The following RP1 variants were observed in gnomAD, a reference collection of about 807,000 sequenced individuals.
The protein encoded by RP1 is oxygen-regulated protein 1.
A neutral mutation model predicts 14.8 loss-of-function variants in RP1; 16 were observed. The ratio of observed to expected loss-of-function variants is 1.08; its 90% CI spans 0.73 to 1.65. RP1 has a LOEUF of 1.65. Ranked by LOEUF, RP1 falls within the 40% of genes most tolerant of loss-of-function variation. RP1 has a pLI of 0.00. For missense variants in RP1, 2,631 were observed against 2,535.0 expected (o/e 1.04, Z -0.81); for synonymous variants, 876 against 883.6 (o/e 0.99, Z 0.15).
In RP1 at chr8:54,711,591, T is replaced by A. The variant is rs1563355033; in HGVS notation, c.2211+4936T>A. Among the ~76,000 whole-genome samples, 5 of 152,280 alleles carry A rather than the reference T, an allele frequency of 3.3e-5. No homozygotes were observed. In the South Asian group the frequency reaches 1.0e-3, roughly 32 times the overall value. ...TGAGCGAGCGCTCTTAGGTTTGTAG[T>A]AACGCCTCCTAACCCTAAGCTCACA... On this transcript the variant is annotated intron_variant, in intron 15 of 22. Coordinates refer to the RP1 transcript ENST00000636932.
chr8:54,583,686 T>A (rs1278873220), intron 1 of RP1, among the ~76,000 whole-genome samples: 3 of 152,232 alleles, frequency 2.0e-5, no homozygotes, highest in Non-Finnish European at 4.4e-5. Flanking sequence ...GAGCCTGTTA[T>A]TGGGCTATTC....
At chr8:54,783,548 T>C (rs926036891) in exon 24 of RP1, 1 of 1,230,100 alleles carries the variant, frequency 8.1e-7, no homozygotes, top group African/African-American at 1.6e-5. Context: ...CCTTTGCAGA[T>C]GGAGACTGGA....
Position 54,733,689 on chromosome 8 carries a change from T to C in RP1, c.2522-856T>C, listed in dbSNP as rs139011744. On this transcript the variant is annotated intron_variant, in intron 17 of 22. Coordinates refer to the RP1 transcript ENST00000636932. ...GACATGAAGAACTTTTGCCTCATCA[T>C]CTTGGGTATATAAGATTTCAAAGTG... Among the ~76,000 whole-genome samples the C allele has an allele frequency of 3.2e-3, 481 of 152,270 alleles. 4 individuals carry two copies. Among genetic ancestry groups the C allele is most frequent in the African/African-American group, 0.011 (471 of 41,570 alleles).
At chr8:54,851,696 A>G (rs540557839) in intron 25 of RP1, among the ~76,000 whole-genome samples, 20 of 152,326 alleles carry the variant, frequency 1.3e-4, no homozygotes, top group African/African-American at 4.8e-4. Flanking sequence ...AAAGAAACTG[A>G]TGTATCTTCT....
At chr8:54,801,693 C>A (rs990577484) in intron 24 of RP1, among the ~76,000 whole-genome samples, 2 of 152,108 alleles carry the variant, frequency 1.3e-5, no homozygotes, top group Non-Finnish European at 2.9e-5. Flanking sequence ...CAAGAGAGTG[C>A]AAACTCTTAT....
At chr8:54,617,746 A>C (rs1054504780) in intron 1 of RP1, among the ~76,000 whole-genome samples, 1 of 152,158 alleles carries the variant, frequency 6.6e-6, no homozygotes, top group African/African-American at 2.4e-5. Context: ...CCTCTTCTTC[A>C]GTTGAGCTAT....
intron 3 of RP1, among the ~76,000 whole-genome samples, chr8:54,638,953 A>C: frequency 6.6e-6 from 1 of 151,496 alleles, no homozygotes; most frequent in East Asian, 1.9e-4. Context: ...ATTTGATAAA[A>C]TCTCCCCAAT....
Position 54,820,111 on chromosome 8 carries a change from G to A in RP1, c.3616-17339G>A, listed in dbSNP as rs77653735. Among the ~76,000 whole-genome samples the A allele has an allele frequency of 5.0e-3, 768 of 152,158 alleles. 9 individuals are homozygous for A. Among genetic ancestry groups the A allele is most frequent in the African/African-American group, 0.018 (736 of 41,504 alleles). On this transcript the variant is annotated intron_variant, in intron 24 of 28. Transcript: ENST00000637698. ...CCAGGAGCTTAGACCTGGCATCAGC[G>A]TCTTTAGGAATCTGCTTGGTGCTTT...
chr8:54,787,297 G>A (rs964551300), intron 24 of RP1, among the ~76,000 whole-genome samples: 2 of 152,106 alleles, frequency 1.3e-5, no homozygotes, highest in South Asian at 4.1e-4. Context: ...GCAGAGAGGA[G>A]TTTCTAGAGA....
At chr8:54,587,067 C>G (rs956094285) in intron 1 of RP1, among the ~76,000 whole-genome samples, 7 of 152,202 alleles carry the variant, frequency 4.6e-5, no homozygotes, top group African/African-American at 1.2e-4. Flanking sequence ...ATGCAGAAAT[C>G]ACCCATCTTC....
At chr8:54,576,818 G>A (rs1019684764) in intron 1 of RP1, among the ~76,000 whole-genome samples, 2 of 152,070 alleles carry the variant, frequency 1.3e-5, no homozygotes, top group Non-Finnish European at 2.9e-5. Context: ...TACAACACTG[G>A]CCAACCAGAA....
downstream of RP1, among the ~76,000 whole-genome samples, chr8:54,631,303 G>A (rs1410556134): frequency 6.6e-6 from 1 of 152,096 alleles, no homozygotes; most frequent in African/African-American, 2.4e-5. Flanking sequence ...ATTAAGTGAT[G>A]CTTTCTTTTA....
intron 1 of RP1, among the ~76,000 whole-genome samples, chr8:54,563,329 C>T (rs1156580077): frequency 6.6e-6 from 1 of 152,204 alleles, no homozygotes; most frequent in African/African-American, 2.4e-5. Flanking sequence ...CTCAGAGCCT[C>T]TCTCAGAAGG....
chr8:54,820,702 C>A (rs966127331), intron 24 of RP1, among the ~76,000 whole-genome samples: 5 of 152,158 alleles, frequency 3.3e-5, no homozygotes, highest in Non-Finnish European at 5.9e-5. Context: ...TCTTCAGTGT[C>A]CCTTTCCCTG....
At chr8:54,607,433 G>A (rs1294322579) in intron 1 of RP1, among the ~76,000 whole-genome samples, 2 of 152,160 alleles carry the variant, frequency 1.3e-5, no homozygotes, top group Non-Finnish European at 2.9e-5. Context: ...ACCCAGCTGT[G>A]TGAGGTGTCA....
At position 54,621,540 on chromosome 8, in the gene RP1, C is replaced by A. The variant is rs751318405; in HGVS notation, c.574C>A (p.Gln192Lys). 3 of 1,614,200 alleles carry A rather than the reference C, an allele frequency of 1.9e-6. No homozygotes were observed. The highest frequency in any genetic ancestry group is 2.5e-6 in the Non-Finnish European group (3 of 1,180,032). The part of the protein sequence containing the change: ...AFLQHLTEVM[Q>K]RPVVKLYATD... The stretch of plus-strand genomic sequence containing the variant: ...TCTACAGCACCTGACAGAGGTCATG[C>A]AGCGCCCTGTGGTCAAGCTGTACGC... Residue 192 changes from glutamine (Q) to lysine (K), a missense_variant, in exon 2 of 4, where the codon CAG (glutamine) becomes AAG (lysine). Physicochemically the swap from Gln to Lys is moderately conservative, Grantham distance 53 (BLOSUM62 1). Transcript: ENST00000220676.
intron 22 of RP1, among the ~76,000 whole-genome samples, chr8:54,760,056 T>C (rs1004659882): frequency 1.3e-5 from 2 of 152,172 alleles, no homozygotes; most frequent in Non-Finnish European, 2.9e-5. Context: ...GTAAAAATAA[T>C]GAGGCAATTC....
Position 54,824,257 on chromosome 8 carries a change from G to T in RP1, c.3616-13193G>T, listed in dbSNP as rs139804506. ...CTATAGATATTGCAGACGTTGAAAA[G>T]AAAATAAGGGAACACCACAAACAAT... On this transcript the variant is annotated intron_variant, in intron 24 of 28. Coordinates refer to the RP1 transcript ENST00000637698. 1.7e-3 allele frequency among the ~76,000 whole-genome samples: 254 copies of T among 152,050 alleles called. 1 individual carries two copies. The highest frequency in any genetic ancestry group is 5.7e-3 in the African/African-American group (236 of 41,478).
At chr8:54,686,034 CA>C (rs1807556516) in intron 12 of RP1, among the ~76,000 whole-genome samples, 2 of 152,096 alleles carry the variant, frequency 1.3e-5, no homozygotes, top group Admixed American at 1.3e-4. Context: ...GTAGATGATG[CA>C]AATAGAAAAA....
Sources: allele counts gnomAD v4.1 joint callset (sites outside exome capture counted in the v4.1 genomes callset), GRCh38; gene constraint gnomAD v4.1.1; transcripts MANE v1.5; gene names NCBI Gene and HGNC (gene_info 2026-07-23, HGNC 2026-07-21).